PPP6R3: variants seen among roughly 807,000 people sequenced by gnomAD.
PPP6R3 encodes protein phosphatase 6 regulatory subunit 3.
PPP6R3 carries 38 observed loss-of-function variants against 110.7 expected under a neutral mutation model. That is an observed-to-expected ratio of 0.34 (90% CI 0.26 to 0.45). The LOEUF is 0.45. Ranked by LOEUF, PPP6R3 falls within the 20% of genes least tolerant of loss-of-function variation. PPP6R3 has a pLI of 1.00. For missense variants in PPP6R3, 870 were observed against 1,062.4 expected, an observed-to-expected ratio of 0.82 and a Z score of 2.52; for synonymous variants, 369 against 373.5, an observed-to-expected ratio of 0.99 and a Z score of 0.14.
At chr11:68,517,026 A>C (rs1206233626) in intron 1 of PPP6R3, among the ~76,000 whole-genome samples, 1 of 151,184 alleles carries the variant, frequency 6.6e-6, no homozygotes, top group African/African-American at 2.4e-5. Context: ...TTTAACAGTG[A>C]TGTTCCTTGG....
intron 11 of PPP6R3, among the ~76,000 whole-genome samples, chr11:68,570,371 A>AT (rs770394718): frequency 5.9e-5 from 9 of 152,142 alleles, no homozygotes; most frequent in Admixed American, 2.0e-4. Flanking sequence ...CAGTCTTCAG[A>AT]TTTTTTCTTG....
chr11:68,502,895 T>G (rs1032899610), intron 1 of PPP6R3, among the ~76,000 whole-genome samples: 3 of 152,212 alleles, frequency 2.0e-5, no homozygotes, highest in Non-Finnish European at 2.9e-5. Flanking sequence ...CCATGATGGT[T>G]GTTTTGGTTT....
chr11:68,591,696 A>G lies in PPP6R3; in HGVS notation c.1906A>G (p.Arg636Gly). ...KHIAFTPESQ[R>G]RSSSGSTDSE... ...CATCGCATTCACACCAGAATCCCAA[A>G]GACGATCCAGGTGAAAGATAGTTGG... is the stretch of plus-strand genomic sequence containing the variant. The change falls in exon 18 of 24, where the codon AGA (arginine) becomes GGA (glycine). Residue 636 changes from arginine to glycine, a missense_variant. Physicochemically the swap from Arg to Gly is moderately radical, Grantham distance 125. Transcript: ENST00000393800. 6.2e-7 allele frequency: 1 copy of G among 1,610,566 alleles called. No homozygotes were observed. The highest frequency in any genetic ancestry group is 2.2e-5 in the East Asian group (1 of 44,810).
intron 1 of PPP6R3, among the ~76,000 whole-genome samples, chr11:68,498,959 T>G (rs1170277816): frequency 6.6e-6 from 1 of 152,208 alleles, no homozygotes; most frequent in Non-Finnish European, 1.5e-5. Context: ...CTGGATCCTC[T>G]CCAGTATTTC....
intron 2 of PPP6R3, among the ~76,000 whole-genome samples, chr11:68,534,290 T>C (rs1326392781): frequency 6.6e-6 from 1 of 152,202 alleles, no homozygotes; most frequent in Non-Finnish European, 1.5e-5. Context: ...ACACTACACT[T>C]TTCTGCAAAA....
At chr11:68,478,659 T>TTTTTTTTTTTTG (rs2098864255) in intron 1 of PPP6R3, among the ~76,000 whole-genome samples, 1 of 122,336 alleles carries the variant, frequency 8.2e-6, no homozygotes, top group Non-Finnish European at 1.7e-5. Context: ...TTTTTTTTTT[T>TTTTTTTTTTTTG]TTTTTTTTTT....
At chr11:68,613,034 A>G (rs199796706) in intron 23 of PPP6R3, 32 bp from the exon 24 acceptor site, 1 of 1,614,126 alleles carries the variant, frequency 6.2e-7, no homozygotes. Flanking sequence ...TTCTGCTGCA[A>G]GTGCCTCCGA....
Position 68,614,232 on chromosome 11 carries a change from A to G in PPP6R3, c.*1115A>G. The G allele has an allele frequency of 1.0e-6, 1 of 988,154 alleles. No homozygotes were observed. The allele number at this position is 988,154 out of a possible 1,614,324, so 61.2% of individuals were successfully genotyped here. ...AATTTAAACCAGTGTATTTTTTTAG[A>G]ACTGGTTTGTGTATATATATAGTGA... On this transcript the variant is annotated 3_prime_UTR_variant, in exon 24 of 24. Transcript: ENST00000393800.
At chr11:68,525,173 A>G (rs780510208) in intron 2 of PPP6R3, among the ~76,000 whole-genome samples, 27 of 152,210 alleles carry the variant, frequency 1.8e-4, no homozygotes, top group Non-Finnish European at 3.1e-4. Flanking sequence ...TCAGAATTTT[A>G]GTTTTTTTCC....
chr11:68,592,458 C>T (rs1334777362), intron 18 of PPP6R3, among the ~76,000 whole-genome samples: 4 of 152,194 alleles, frequency 2.6e-5, no homozygotes, highest in Admixed American at 2.6e-4. Flanking sequence ...TTCCAGCCGT[C>T]CAGTCCTCTT....
At chr11:68,532,779 T>TC (rs558044391) in intron 2 of PPP6R3, among the ~76,000 whole-genome samples, 48 of 152,342 alleles carry the variant, frequency 3.2e-4, no homozygotes, top group African/African-American at 1.1e-3. Context: ...CTTAGCATTG[T>TC]CACTACTGCG....
chr11:68,469,636 C>T (rs2098775716), intron 1 of PPP6R3, among the ~76,000 whole-genome samples: 1 of 151,882 alleles, frequency 6.6e-6, no homozygotes, highest in South Asian at 2.1e-4. Flanking sequence ...ACCTTGTTTT[C>T]CCAAAGTGCT....
chr11:68,609,728 T>C, intron 22 of PPP6R3, 176 bp from the exon 23 acceptor site: 1 of 1,559,978 alleles, frequency 6.4e-7, no homozygotes, highest in South Asian at 1.1e-5. Flanking sequence ...CCTTTTGTGA[T>C]TCCCCAGTCA....
At chr11:68,595,416 A>G (rs1286995212) in intron 18 of PPP6R3, among the ~76,000 whole-genome samples, 2 of 151,936 alleles carry the variant, frequency 1.3e-5, no homozygotes, top group Admixed American at 6.6e-5. Flanking sequence ...GGGTTTTGCC[A>G]TGTTGGCCAG....
At chr11:68,533,728 A>C (rs965644161) in intron 2 of PPP6R3, among the ~76,000 whole-genome samples, 1 of 150,780 alleles carries the variant, frequency 6.6e-6, no homozygotes. Flanking sequence ...AAAAAAAAAA[A>C]AGGAATTAAT....
intron 1 of PPP6R3, among the ~76,000 whole-genome samples, chr11:68,487,777 TA>T (rs2098957609): frequency 6.6e-6 from 1 of 152,202 alleles, no homozygotes; most frequent in South Asian, 2.1e-4. Context: ...TTATGTGTTT[TA>T]AGGCTCATAG....
intron 1 of PPP6R3, among the ~76,000 whole-genome samples, chr11:68,513,697 A>G (rs1370993375): frequency 2.6e-5 from 4 of 152,220 alleles, no homozygotes; most frequent in East Asian, 1.9e-4. Context: ...TTGCTATGCT[A>G]TATATTTAGT....
intron 7 of PPP6R3, 107 bp from the exon 8 acceptor site, chr11:68,558,459 C>T (rs1593120212): frequency 1.5e-6 from 1 of 652,042 alleles, no homozygotes; most frequent in Non-Finnish European, 2.7e-6. Flanking sequence ...CAAATATGCC[C>T]AAGTATGAAC....
chr11:68,502,173 A>G (rs925820531), intron 1 of PPP6R3, among the ~76,000 whole-genome samples: 1 of 152,232 alleles, frequency 6.6e-6, no homozygotes, highest in African/African-American at 2.4e-5. Flanking sequence ...ATTTTCTAAT[A>G]GCCACATGAA....
Sources: allele counts gnomAD v4.1 joint callset (sites outside exome capture counted in the v4.1 genomes callset), GRCh38; gene constraint gnomAD v4.1.1; transcripts MANE v1.5; gene names NCBI Gene and HGNC (gene_info 2026-07-23, HGNC 2026-07-21).